The following PPP1R21 variants were observed in gnomAD, a reference collection of about 807,000 sequenced individuals.
The protein encoded by PPP1R21 is KLRAQ motif containing 1.
Under a neutral mutation model 112.8 loss-of-function variants are expected in PPP1R21, and 85 were observed. That is an observed-to-expected ratio of 0.75 (90% CI 0.63 to 0.90). The LOEUF is 0.90. Among genes scored for constraint, PPP1R21 ranks in the 40% least tolerant of loss-of-function variants. The pLI is 0.00. For synonymous variants in PPP1R21, 381 were observed against 322.3 expected (o/e 1.18, Z -1.95); for missense variants, 1,199 against 901.5 (o/e 1.33, Z -4.23).
intron 2 of PPP1R21, among the ~76,000 whole-genome samples, chr2:48,451,456 G>C (rs1286608738): frequency 6.6e-6 from 1 of 152,116 alleles, no homozygotes; most frequent in African/African-American, 2.4e-5. Flanking sequence ...GCAGATGGCA[G>C]GTCTCTAATA....
chr2:48,514,132 T>A (rs913187311), intron 21 of PPP1R21, among the ~76,000 whole-genome samples: 1 of 127,786 alleles, frequency 7.8e-6, no homozygotes, highest in Non-Finnish European at 1.6e-5. Context: ...CCCGGGTTCA[T>A]GCCATTCTCC....
At chr2:48,498,471 C>T (rs3811519) in intron 16 of PPP1R21, 22 bp from the exon 17 acceptor site, 814,705 of 1,609,676 alleles carry the variant, frequency 0.51, 209,300 homozygotes, top group Middle Eastern at 0.63. Context: ...CTCTAAGATA[C>T]AACACTCTGT....
rs990571341 is a variant in PPP1R21 at position 48,441,185 on chromosome 2, A to C, written c.57+175A>C. 8.0e-6 allele frequency: 5 copies of C among 624,898 alleles called. No individual in the cohort carries two copies. In the African/African-American group the frequency reaches 9.8e-5, roughly 12 times the overall value. 38.7% of individuals were successfully genotyped at this position (624,898 alleles called of 1,614,324 possible). A position where few individuals can be genotyped will look rare whatever the true frequency, so the allele number is the denominator to read the frequency against. On this transcript the variant is annotated intron_variant, in intron 1 of 21. Transcript: ENST00000294952. Reference sequence around the variant, plus strand: ...TGCCTCCACCTGCAGCTCCCAGGAGATGGGGCCGGGCGGTGTCTGCGTCCG... The same window carrying C: ...TGCCTCCACCTGCAGCTCCCAGGAGCTGGGGCCGGGCGGTGTCTGCGTCCG...
chr2:48,496,755 T>C lies in PPP1R21; in HGVS notation c.1692+984T>C, dbSNP rs559203014. Among the ~76,000 whole-genome samples the C allele has an allele frequency of 3.3e-5, 5 of 152,326 alleles. No individual in the cohort carries two copies. In the East Asian group the frequency reaches 9.7e-4, roughly 29 times the overall value. Reference sequence around the variant, plus strand: ...GTGCTGGGATTACAGTCGTGAGCCATTGCGCCCAGTGGAGCTTGTTGGATT... The same window carrying C: ...GTGCTGGGATTACAGTCGTGAGCCACTGCGCCCAGTGGAGCTTGTTGGATT... On this transcript the variant is annotated intron_variant, in intron 16 of 21. Coordinates refer to ENST00000294952, the MANE Select transcript of PPP1R21 (RefSeq NM_001135629.3).
intron 17 of PPP1R21, 115 bp from the exon 18 acceptor site, chr2:48,505,449 G>C (rs1220700689): frequency 3.9e-6 from 3 of 776,496 alleles, no homozygotes; most frequent in Non-Finnish European, 6.7e-6. Context: ...TGATCTTCTA[G>C]TTCTGTACCC....
intron 7 of PPP1R21, 103 bp from the exon 8 acceptor site, chr2:48,464,834 T>A: frequency 2.7e-6 from 2 of 753,894 alleles, no homozygotes; most frequent in Non-Finnish European, 4.3e-6. Context: ...TAAATTCTTA[T>A]GTAAAGTTGA....
intron 3 of PPP1R21, among the ~76,000 whole-genome samples, chr2:48,455,922 G>C (rs1434631842): frequency 6.6e-6 from 1 of 151,152 alleles, no homozygotes; most frequent in Non-Finnish European, 1.5e-5. Context: ...AGCTGAGGCA[G>C]GAGAATGGCG....
chr2:48,457,840 C>T (rs927631069), intron 3 of PPP1R21, among the ~76,000 whole-genome samples: 13 of 152,164 alleles, frequency 8.5e-5, no homozygotes, highest in Non-Finnish European at 1.9e-4. Flanking sequence ...AGGTCTGCTC[C>T]GTCCTCCAGC....
chr2:48,486,779 A>G (rs1048963501), intron 14 of PPP1R21, 21 bp downstream of exon 14: 30 of 1,603,996 alleles, frequency 1.9e-5, no homozygotes, highest in Non-Finnish European at 2.5e-5. Context: ...TCTGGCGTAT[A>G]TTGATGTTAA....
rs146444819 is a variant in PPP1R21, at chr2:48,464,656, T to G, written c.695-281T>G. On this transcript the variant is annotated intron_variant, in intron 7 of 21. Coordinates refer to ENST00000294952, the MANE Select transcript of PPP1R21 (RefSeq NM_001135629.3). Reference sequence around the variant, plus strand: ...GAACGTCATGAGCCTTTCTAAGTAGTCCTGATAAGCCTGAAAGCAGTATTT... The same window carrying G: ...GAACGTCATGAGCCTTTCTAAGTAGGCCTGATAAGCCTGAAAGCAGTATTT... Among the ~76,000 whole-genome samples, 577 of 152,310 alleles carry G rather than the reference T, an allele frequency of 3.8e-3. 1 individual carries two copies. The highest frequency in any genetic ancestry group is 0.014 in the African/African-American group (563 of 41,554).
At chr2:48,442,633 G>T (rs1031559038) in intron 1 of PPP1R21, among the ~76,000 whole-genome samples, 3 of 152,184 alleles carry the variant, frequency 2.0e-5, no homozygotes, top group African/African-American at 7.2e-5. Flanking sequence ...ACAAGTGTTA[G>T]TTCAGTGGGA....
Position 48,491,127 on chromosome 2 carries a change from A to C in PPP1R21, c.1556A>C (p.Gln519Pro). The change falls in exon 15 of 22, where the codon CAG becomes CCG. Residue 519 changes from glutamine to proline, a missense_variant. Gln to Pro is a moderately conservative substitution (Grantham distance 76, BLOSUM62 -1). Transcript: ENST00000294952. ...CCTCTTTCAGCTGAATGCATGCTACAGTATAAGAAAAAAGCTGCTGCCTAT... is the reference window on the plus strand; with the variant it reads ...CCTCTTTCAGCTGAATGCATGCTACCGTATAAGAAAAAAGCTGCTGCCTAT... ...ISPLSAECML[Q>P]YKKKAAAYMK... The C allele has an allele frequency of 4.3e-6, 7 of 1,614,138 alleles. No homozygotes were observed. The highest frequency in any genetic ancestry group is 5.9e-6 in the Non-Finnish European group (7 of 1,180,014).
intron 7 of PPP1R21, among the ~76,000 whole-genome samples, chr2:48,461,622 A>G (rs1382350475): frequency 3.3e-5 from 5 of 152,182 alleles, no homozygotes; most frequent in African/African-American, 1.2e-4. Context: ...CCCTTGGTCA[A>G]TTCCCAGCAA....
chr2:48,495,046 A>G (rs1669763810), intron 15 of PPP1R21, among the ~76,000 whole-genome samples: 2 of 152,184 alleles, frequency 1.3e-5, no homozygotes, highest in South Asian at 4.1e-4. Flanking sequence ...AACTTACTGA[A>G]TACTGTACTG....
rs549225315 is a variant in PPP1R21, at chr2:48,461,291, A to G, written c.694+59A>G. 10 of 1,445,116 alleles carry G rather than the reference A, an allele frequency of 6.9e-6. No individual in the cohort carries two copies. In the East Asian group the frequency reaches 1.9e-4, roughly 27 times the overall value. 89.5% of individuals were successfully genotyped at this position (1,445,116 alleles called of 1,614,324 possible). On this transcript the variant is annotated intron_variant, in intron 7 of 21. Coordinates refer to ENST00000294952, the MANE Select transcript of PPP1R21 (RefSeq NM_001135629.3). ...ACTTTGAATCTCTCTGTGGTAGCCA[A>G]CTAATTAAAGTAATTTTTAATCTTT...
intron 3 of PPP1R21, among the ~76,000 whole-genome samples, chr2:48,457,609 A>T (rs555196893): frequency 6.6e-6 from 1 of 152,152 alleles, no homozygotes; most frequent in African/African-American, 2.4e-5. Context: ...GAATTTTCCT[A>T]TTTATTTATA....
Position 48,440,942 on chromosome 2 carries a change from G to C in PPP1R21, c.-12G>C. The C allele has an allele frequency of 6.2e-7, 1 of 1,604,778 alleles. No individual in the cohort carries two copies. Among genetic ancestry groups the C allele is most frequent in the Non-Finnish European group, 8.5e-7 (1 of 1,173,730 alleles). On this transcript the variant is annotated 5_prime_UTR_variant, in exon 1 of 22. Coordinates refer to ENST00000294952, the MANE Select transcript of PPP1R21 (RefSeq NM_001135629.3). Reference sequence around the variant, plus strand: ...GCCTGGGCGGCCTGGCCTGTACGGGGCGGGGGAGGCCATGGCCTCGGCTGA... The same window carrying C: ...GCCTGGGCGGCCTGGCCTGTACGGGCCGGGGGAGGCCATGGCCTCGGCTGA...
At chr2:48,501,413 G>A (rs1461574858) in intron 17 of PPP1R21, among the ~76,000 whole-genome samples, 1 of 152,192 alleles carries the variant, frequency 6.6e-6, no homozygotes, top group East Asian at 1.9e-4. Context: ...TAGAAATCGT[G>A]TGCCTGACAC....
intron 17 of PPP1R21, among the ~76,000 whole-genome samples, chr2:48,503,022 G>A (rs1670196308): frequency 6.6e-6 from 1 of 152,022 alleles, no homozygotes; most frequent in African/African-American, 2.4e-5. Flanking sequence ...AGAGTTAAAT[G>A]CTTGTTATTT....
Sources: allele counts gnomAD v4.1 joint callset (sites outside exome capture counted in the v4.1 genomes callset), GRCh38; gene constraint gnomAD v4.1.1; transcripts MANE v1.5; gene names NCBI Gene and HGNC (gene_info 2026-07-23, HGNC 2026-07-21).